The following YY1AP1 variants were observed in gnomAD, a reference collection of about 807,000 sequenced individuals.
YY1AP1 encodes YY1-associated protein 1.
In YY1AP1, 43 loss-of-function variants were observed where a neutral mutation model predicts 39.9. The ratio of observed to expected loss-of-function variants is 1.08; its 90% CI spans 0.84 to 1.39. The LOEUF (loss-of-function observed/expected upper bound fraction) is 1.39, where lower values mean the gene tolerates loss of function less well. Among genes scored for constraint, YY1AP1 ranks in the 40% most tolerant of loss-of-function variants. The pLI, the probability that YY1AP1 is intolerant of heterozygous loss-of-function variation, is 0.00. For missense variants in YY1AP1, 813 were observed against 900.7 expected, an observed-to-expected ratio of 0.90 and a Z score of 1.25; for synonymous variants, 292 against 331.3, an observed-to-expected ratio of 0.88 and a Z score of 1.29.
upstream of YY1AP1, chr1:155,688,971 C>T (rs749828251): frequency 6.2e-7 from 1 of 1,609,300 alleles, no homozygotes; most frequent in Non-Finnish European, 8.5e-7. Context: ...TCGCCTCCTC[C>T]TCCATGGGAC....
chr1:155,686,696 T>C (rs1477013294), intron 2 of YY1AP1, among the ~76,000 whole-genome samples: 1 of 152,162 alleles, frequency 6.6e-6, no homozygotes, highest in East Asian at 1.9e-4. Flanking sequence ...GTGAAAGCCT[T>C]CTCCCTCACG....
At chr1:155,679,628 A>G in intron 3 of YY1AP1, 116 bp from the exon 4 acceptor site, 2 of 1,558,652 alleles carry the variant, frequency 1.3e-6, no homozygotes, top group South Asian at 1.2e-5. Context: ...TGGCACCCAG[A>G]AAGAGCCTAC....
At chr1:155,668,461 A>G (rs569857146) in intron 9 of YY1AP1, among the ~76,000 whole-genome samples, 166 bp downstream of exon 9, 2 of 152,340 alleles carry the variant, frequency 1.3e-5, no homozygotes, top group South Asian at 4.1e-4. Flanking sequence ...AACGTAATGA[A>G]TGAATCAATG....
At chr1:155,666,765 C>T (rs1295616271) in intron 9 of YY1AP1, among the ~76,000 whole-genome samples, 2 of 151,970 alleles carry the variant, frequency 1.3e-5, no homozygotes, top group East Asian at 1.9e-4. Context: ...TTTGGGAGGC[C>T]GAGGTGGGCA....
intron 5 of YY1AP1, among the ~76,000 whole-genome samples, chr1:155,675,689 C>A (rs1650550321): frequency 6.6e-6 from 1 of 151,814 alleles, no homozygotes; most frequent in Non-Finnish European, 1.5e-5. Flanking sequence ...AACTCCCCTG[C>A]TCAAGCAATC....
chr1:155,683,539 C>G (rs1475296088), intron 2 of YY1AP1, among the ~76,000 whole-genome samples: 1 of 151,948 alleles, frequency 6.6e-6, no homozygotes, highest in East Asian at 1.9e-4. Flanking sequence ...GCCTGTAAAC[C>G]CAGCTGCTCA....
At chr1:155,664,175 G>C (rs1257293898) in intron 9 of YY1AP1, among the ~76,000 whole-genome samples, 1 of 151,198 alleles carries the variant, frequency 6.6e-6, no homozygotes, top group Non-Finnish European at 1.5e-5. Flanking sequence ...CACCACACTA[G>C]GAGTTAGAAG....
At chr1:155,686,190 C>G (rs1346655537) in intron 2 of YY1AP1, among the ~76,000 whole-genome samples, 1 of 151,722 alleles carries the variant, frequency 6.6e-6, no homozygotes, top group East Asian at 1.9e-4. Context: ...CGCCCGCCAC[C>G]ACGCCCGGCT....
At chr1:155,669,615 C>T (rs1048207005) in intron 8 of YY1AP1, among the ~76,000 whole-genome samples, 3 of 152,016 alleles carry the variant, frequency 2.0e-5, no homozygotes, top group Non-Finnish European at 2.9e-5. Context: ...ATAGGTACCC[C>T]GTCAGACAAA....
At chr1:155,663,285 C>T (rs977662494) in intron 9 of YY1AP1, among the ~76,000 whole-genome samples, 1 of 150,284 alleles carries the variant, frequency 6.7e-6, no homozygotes, top group Non-Finnish European at 1.5e-5. Context: ...GCACGAGAAT[C>T]ACTTGAACCC....
intron 7 of YY1AP1, 124 bp downstream of exon 7, chr1:155,672,436 G>A: frequency 9.7e-7 from 1 of 1,035,536 alleles, no homozygotes; most frequent in Non-Finnish European, 1.5e-6. Flanking sequence ...AGAGAAGGAA[G>A]AAATTACAAA....
chr1:155,659,944 C>G lies in YY1AP1; in HGVS notation c.1966G>C (p.Glu656Gln). 2 of 1,614,188 alleles carry G rather than the reference C, an allele frequency of 1.2e-6. No individual in the cohort carries two copies. Among genetic ancestry groups the G allele is most frequent in the Non-Finnish European group, 8.5e-7 (1 of 1,180,048 alleles). ...ADGENAFQGLEPKLEPQELSP... is the reference protein window; with the variant it reads ...ADGENAFQGLQPKLEPQELSP... ...AGTTCCTGGGGCTCTAATTTGGGTT[C>G]TAGGCCCTGAAAGGCATTTTCCCCA... The change falls in exon 11 of 11, where the codon GAA (glutamate) becomes CAA (glutamine). Residue 656 changes from glutamate (E) to glutamine (Q), a missense_variant. Glu to Gln is a conservative substitution (Grantham distance 29). Transcript: ENST00000355499.
rs747228759 is a variant in YY1AP1 at position 155,676,589 on chromosome 1, C to T, written c.283G>A (p.Asp95Asn). 3.3e-5 allele frequency: 53 copies of T among 1,614,062 alleles called. No individual in the cohort carries two copies. Among genetic ancestry groups the T allele is most frequent in the Non-Finnish European group, 4.3e-5 (51 of 1,180,044 alleles). ...CKEVHQTLIL[D>N]PAQRKRLQQQ... Reference sequence around the variant, plus strand: ...TGGAGTCTCTTCCTTTGTGCTGGGTCCAGAATCAGGGTCTGATGAACTTCC... The same window carrying T: ...TGGAGTCTCTTCCTTTGTGCTGGGTTCAGAATCAGGGTCTGATGAACTTCC... The change falls in exon 5 of 11, where the codon GAC becomes AAC. Residue 95 changes from aspartate to asparagine, a missense_variant. Physicochemically the swap from Asp to Asn is conservative, Grantham distance 23. Coordinates refer to ENST00000355499, the MANE Select transcript of YY1AP1 (RefSeq NM_139119.3).
chr1:155,688,583 G>C (rs1172053436), intron 1 of YY1AP1, 76 bp downstream of exon 1: 19 of 1,536,526 alleles, frequency 1.2e-5, no homozygotes, highest in Non-Finnish European at 1.6e-5. Context: ...GCTCACCCAC[G>C]GGAACCTCCT....
At chr1:155,685,903 TA>T (rs1652149497) in intron 2 of YY1AP1, among the ~76,000 whole-genome samples, 1 of 151,982 alleles carries the variant, frequency 6.6e-6, no homozygotes, top group South Asian at 2.1e-4. Context: ...TAAGAACCAC[TA>T]ATCTAGCCTA....
rs1300750631 is a variant in YY1AP1 at position 155,660,541 on chromosome 1, C to T, written c.1369G>A (p.Ala457Thr). The T allele has an allele frequency of 2.5e-6, 4 of 1,614,162 alleles. No individual in the cohort carries two copies. Among genetic ancestry groups the T allele is most frequent in the Non-Finnish European group, 2.5e-6 (3 of 1,180,024 alleles). Residue 457 changes from alanine (A) to threonine (T), a missense_variant, in exon 11 of 11, where the codon GCC becomes ACC. Physicochemically the swap from Ala to Thr is moderately conservative, Grantham distance 58. Around this residue, in one of 3 missense-constraint regions of YY1AP1, gnomAD observed 586 missense variants for 647.4 expected, o/e 0.91. Transcript: ENST00000355499. ...CCTGGAACTGTCTGTAAAACAGTGGCTGGCTGTATTGGGTGAGGAATCCGG... is the reference window on the plus strand; with the variant it reads ...CCTGGAACTGTCTGTAAAACAGTGGTTGGCTGTATTGGGTGAGGAATCCGG... ...VLRIPHPIQP[A>T]TVLQTVPGVP... is the part of the protein sequence containing the mutation.
chr1:155,660,073 CAG>C lies in YY1AP1; in HGVS notation c.1835_1836del (p.Ser612CysfsTer20). ...CPLNQPLVASSVSPLIVSGNS... is the reference protein window; with the variant it reads ...CPLNQPLVASXVSPLIVSGNS... ...TTGCCAGAAACAATTAAGGGTGAGACAGAGGAGGCCACAAGGGGCTGGTTCAA... is the reference window on the plus strand; with the variant it reads ...TTGCCAGAAACAATTAAGGGTGAGACAGGAGGCCACAAGGGGCTGGTTCAA... On this transcript the variant is annotated frameshift_variant, in exon 11 of 11. Transcript: ENST00000355499. LOFTEE classifies it low-confidence loss of function (END_TRUNC). The C allele has an allele frequency of 1.9e-6, 3 of 1,614,118 alleles. No homozygotes were observed. Among genetic ancestry groups the C allele is most frequent in the Non-Finnish European group, 2.5e-6 (3 of 1,180,038 alleles).
intron 4 of YY1AP1, 141 bp from the exon 5 acceptor site, chr1:155,676,887 T>TCCCA: frequency 1.2e-6 from 1 of 820,652 alleles, no homozygotes; most frequent in Non-Finnish European, 1.9e-6. Flanking sequence ...ACAGTCAAAC[T>TCCCA]CCCAGCCTTA....
intron 9 of YY1AP1, among the ~76,000 whole-genome samples, chr1:155,662,935 T>TA (rs1248325109): frequency 4.6e-5 from 7 of 151,666 alleles, no homozygotes; most frequent in African/African-American, 1.7e-4. Context: ...ACTGAGGAAT[T>TA]AAGAGGTTGC....
Sources: gnomAD v4.1 joint callset for allele counts (sites outside exome capture counted in the v4.1 genomes callset) on GRCh38, gnomAD v4.1.1 for gene constraint, gnomAD v4.1.1 regional missense constraint, MANE v1.5 for transcripts, NCBI Gene and HGNC (gene_info 2026-07-23, HGNC 2026-07-21) for gene names.